STX18: variants seen among roughly 807,000 people sequenced by gnomAD.
STX18 encodes the protein syntaxin-18.
Under a neutral mutation model 50.1 loss-of-function variants are expected in STX18, and 40 were observed. The ratio of observed to expected loss-of-function variants is 0.80; its 90% confidence interval spans 0.62 to 1.04. STX18 has a LOEUF of 1.04. Ranked by LOEUF, STX18 falls within the 50% of genes least tolerant of loss-of-function variation. The pLI is 0.00. For synonymous variants in STX18, 158 were observed against 151.8 expected, an observed-to-expected ratio of 1.04 and a Z score of -0.30; for missense variants, 410 against 415.8, an observed-to-expected ratio of 0.99 and a Z score of 0.12.
At chr4:4,459,574 C>T (rs1727270513) in intron 2 of STX18, 87 bp from the exon 3 acceptor site, 2 of 930,580 alleles carry the variant, frequency 2.1e-6, no homozygotes, top group Admixed American at 1.9e-5. Context: ...AAAGGCCTCC[C>T]TGATCAGGTG....
intron 1 of STX18, among the ~76,000 whole-genome samples, chr4:4,477,135 C>T (rs931956246): frequency 2.6e-5 from 4 of 151,926 alleles, no homozygotes; most frequent in Admixed American, 1.3e-4. Context: ...CCCAGCTACT[C>T]GGGAGGCTGA....
chr4:4,499,402 T>C (rs1388738062), intron 1 of STX18: 9 of 686,966 alleles, frequency 1.3e-5, no homozygotes, highest in Non-Finnish European at 1.6e-5. Context: ...TATTCAAAGA[T>C]TTTTCAAAGA....
chr4:4,518,074 A>G (rs920157590), intron 1 of STX18, among the ~76,000 whole-genome samples: 1 of 152,174 alleles, frequency 6.6e-6, no homozygotes, highest in Non-Finnish European at 1.5e-5. Context: ...CACCCGGCCT[A>G]TATGTGTTCT....
chr4:4,519,911 T>A (rs1479026583), intron 1 of STX18, among the ~76,000 whole-genome samples: 1 of 152,208 alleles, frequency 6.6e-6, no homozygotes, highest in Non-Finnish European at 1.5e-5. Flanking sequence ...ATACTGAAAT[T>A]AGGATTGGTG....
intron 1 of STX18, among the ~76,000 whole-genome samples, chr4:4,538,564 G>T (rs1257408249): frequency 7.0e-6 from 1 of 143,554 alleles, no homozygotes; most frequent in Non-Finnish European, 1.5e-5. Flanking sequence ...CCTACATGAG[G>T]AGGGGGGAGG....
intron 1 of STX18, among the ~76,000 whole-genome samples, chr4:4,506,565 G>C (rs1394110553): frequency 6.6e-6 from 1 of 152,150 alleles, no homozygotes; most frequent in African/African-American, 2.4e-5. Flanking sequence ...AAGGGAGATG[G>C]AACTGTTCTG....
intron 1 of STX18, among the ~76,000 whole-genome samples, chr4:4,487,184 TTG>T (rs1728736181): frequency 6.6e-6 from 1 of 152,060 alleles, no homozygotes; most frequent in Non-Finnish European, 1.5e-5. Context: ...AGGAAGAACT[TTG>T]AACTTTCTAG....
chr4:4,480,847 C>A (rs895471047), intron 1 of STX18, among the ~76,000 whole-genome samples: 3 of 152,182 alleles, frequency 2.0e-5, no homozygotes, highest in African/African-American at 4.8e-5. Context: ...TTCTCTGATT[C>A]TTTTGATCTG....
intron 1 of STX18, among the ~76,000 whole-genome samples, chr4:4,479,592 A>G (rs1225050498): frequency 2.6e-5 from 4 of 152,228 alleles, no homozygotes; most frequent in Non-Finnish European, 5.9e-5. Flanking sequence ...CTCCATTCTA[A>G]AACTACAGGC....
chr4:4,424,294 G>C (rs1186686505), intron 8 of STX18, among the ~76,000 whole-genome samples: 1 of 152,222 alleles, frequency 6.6e-6, no homozygotes, highest in Admixed American at 6.5e-5. Flanking sequence ...AGCAGCGACA[G>C]GAAGTGACAG....
intron 1 of STX18, among the ~76,000 whole-genome samples, chr4:4,541,370 T>C (rs1211964831): frequency 1.3e-5 from 2 of 152,088 alleles, no homozygotes; most frequent in African/African-American, 4.8e-5. Flanking sequence ...GTTTTTAATC[T>C]CAACTAGGGG....
At chr4:4,479,856 AC>A (rs2108847720) in intron 1 of STX18, among the ~76,000 whole-genome samples, 1 of 152,304 alleles carries the variant, frequency 6.6e-6, no homozygotes, top group East Asian at 1.9e-4. Flanking sequence ...GAAACACCAA[AC>A]AAAACAACAC....
chr4:4,424,933 T>C (rs879483983), intron 8 of STX18, among the ~76,000 whole-genome samples: 1 of 152,128 alleles, frequency 6.6e-6, no homozygotes, highest in Non-Finnish European at 1.5e-5. Flanking sequence ...GGGAAGCACC[T>C]GGGCCCCCCG....
intron 1 of STX18, chr4:4,507,250 T>G (rs1560199911): frequency 1.5e-6 from 1 of 675,870 alleles, no homozygotes; most frequent in Non-Finnish European, 2.8e-6. Context: ...CTTTACAGTG[T>G]ACTATAAAGA....
intron 5 of STX18, among the ~76,000 whole-genome samples, chr4:4,449,905 C>CA (rs1432664164): frequency 1.3e-5 from 2 of 152,184 alleles, no homozygotes; most frequent in Non-Finnish European, 2.9e-5. Flanking sequence ...GACACCGCTT[C>CA]AAATTGATGG....
chr4:4,447,131 T>G (rs1726452741), intron 5 of STX18, among the ~76,000 whole-genome samples: 1 of 152,242 alleles, frequency 6.6e-6, no homozygotes, highest in Non-Finnish European at 1.5e-5. Context: ...CTTAATATTT[T>G]ACCTCAAATA....
chr4:4,502,620 ACT>A (rs1729508218), intron 1 of STX18, among the ~76,000 whole-genome samples: 2 of 152,290 alleles, frequency 1.3e-5, no homozygotes, highest in South Asian at 4.1e-4. Context: ...AGTTGAGGAA[ACT>A]GTGTTGAAGA....
chr4:4,499,241 T>C (rs114903618), intron 1 of STX18, among the ~76,000 whole-genome samples: 4 of 152,340 alleles, frequency 2.6e-5, no homozygotes, highest in African/African-American at 9.6e-5. Context: ...AAAGCCATAA[T>C]TGTAATGTGG....
chr4:4,529,097 C>T (rs995143713), intron 1 of STX18, among the ~76,000 whole-genome samples: 1 of 152,210 alleles, frequency 6.6e-6, no homozygotes, highest in Non-Finnish European at 1.5e-5. Flanking sequence ...GGTATGGTGG[C>T]TCACACCTGT....
Sources: allele counts gnomAD v4.1 joint callset (sites outside exome capture counted in the v4.1 genomes callset), GRCh38; gene constraint gnomAD v4.1.1; transcripts MANE v1.5; gene names NCBI Gene and HGNC (gene_info 2026-07-23, HGNC 2026-07-21).